Variants in OR52I2 observed in about 807,000 individuals in gnomAD.
OR52I2 encodes olfactory receptor family 52 subfamily I member 2.
For missense variants in OR52I2, 350 were observed against 402.4 expected, an observed-to-expected ratio of 0.87 and a Z score of 1.11; for synonymous variants, 147 against 151.9, an observed-to-expected ratio of 0.97 and a Z score of 0.24.
chr11:4,588,835 T>G (rs1846329688), exon 2 of OR52I2: 1 of 152,242 alleles, frequency 6.6e-6, no homozygotes, highest in Non-Finnish European at 1.5e-5. Flanking sequence ...GCTTTGTGAC[T>G]TTTATGAGCC....
At chr11:4,592,768 G>C (rs1028543495) in exon 2 of OR52I2, 1 of 152,180 alleles carries the variant, frequency 6.6e-6, no homozygotes, top group Non-Finnish European at 1.5e-5. Context: ...ACACCTGAAT[G>C]AGGCAATGGA....
exon 2 of OR52I2, chr11:4,587,010 C>G: frequency 6.2e-7 from 1 of 1,614,170 alleles, no homozygotes; most frequent in South Asian, 1.1e-5. Flanking sequence ...CCATGTACAT[C>G]ATAGCCCTGT....
chr11:4,589,801 G>A (rs1472559920), exon 2 of OR52I2: 1 of 152,154 alleles, frequency 6.6e-6, no homozygotes, highest in African/African-American at 2.4e-5. Context: ...ATCATAAACA[G>A]AAAGGCTTGA....
At chr11:4,586,275 T>A (rs1032478092) in intron 1 of OR52I2, among the ~76,000 whole-genome samples, 7 of 152,144 alleles carry the variant, frequency 4.6e-5, no homozygotes, top group African/African-American at 1.7e-4. Flanking sequence ...TATTTTTTTA[T>A]AGGCACTGTA....
exon 2 of OR52I2, chr11:4,591,138 C>G (rs941145697): frequency 3.9e-5 from 6 of 152,090 alleles, no homozygotes; most frequent in Admixed American, 1.3e-4. Context: ...GAGAACCTGA[C>G]GAATGCTCAC....
At chr11:4,582,346 A>T (rs1846263270) in intron 1 of OR52I2, among the ~76,000 whole-genome samples, 2 of 152,116 alleles carry the variant, frequency 1.3e-5, no homozygotes, top group African/African-American at 4.8e-5. Flanking sequence ...TTTTAATAGA[A>T]ATGAAAAATC....
chr11:4,589,008 T>G (rs1310419106), exon 2 of OR52I2: 1 of 152,220 alleles, frequency 6.6e-6, no homozygotes, highest in Non-Finnish European at 1.5e-5. Flanking sequence ...GTTTGTTTGT[T>G]TTCCTTTCAG....
chr11:4,587,024 G>A lies in OR52I2; in HGVS notation c.134G>A (p.Gly45Glu). Reference sequence around the variant, plus strand: ...GCCATGTACATCATAGCCCTGTTAGGAAACACCATCATCGTGACTGCAATC... The same window carrying A: ...GCCATGTACATCATAGCCCTGTTAGAAAACACCATCATCGTGACTGCAATC... The change falls in exon 2 of 2, where the codon GGA becomes GAA. Residue 45 changes from glycine to glutamate, a missense_variant. Physicochemically the swap from Gly to Glu is moderately conservative, Grantham distance 98. Coordinates refer to ENST00000641896, the Ensembl canonical transcript of OR52I2. 3.7e-6 allele frequency: 6 copies of A among 1,614,066 alleles called. No individual in the cohort carries two copies. The highest frequency in any genetic ancestry group is 5.1e-6 in the Non-Finnish European group (6 of 1,179,998).
chr11:4,593,048 T>C (rs1368611817), exon 2 of OR52I2: 2 of 152,272 alleles, frequency 1.3e-5, no homozygotes, highest in Non-Finnish European at 2.9e-5. Context: ...GGAATGGATG[T>C]TTGTCTTATA....
At chr11:4,588,194 TAA>T in exon 2 of OR52I2, 62 of 287,142 alleles carry the variant, frequency 2.2e-4, no homozygotes, top group Middle Eastern at 1.1e-3. Flanking sequence ...CACCAACTCT[TAA>T]AATGAAAGAC....
At chr11:4,587,949 C>T in exon 2 of OR52I2, 1 of 1,110,746 alleles carries the variant, frequency 9.0e-7, no homozygotes, top group Non-Finnish European at 1.3e-6. Context: ...TACAGGAATT[C>T]TAAGATGAAG....
exon 2 of OR52I2, chr11:4,593,094 TAC>T (rs1242177060): frequency 1.3e-5 from 2 of 152,262 alleles, no homozygotes; most frequent in African/African-American, 4.8e-5. Context: ...TTATGAATAC[TAC>T]ACTTTTAACA....
At chr11:4,587,983 C>A in exon 2 of OR52I2, 1 of 816,152 alleles carries the variant, frequency 1.2e-6, no homozygotes, top group Non-Finnish European at 2.0e-6. Flanking sequence ...CCTTGCATAA[C>A]TTTTCAATTA....
chr11:4,581,931 C>T (rs1048339952), intron 1 of OR52I2, 67 bp downstream of exon 1: 1 of 152,256 alleles, frequency 6.6e-6, no homozygotes, highest in African/African-American at 2.4e-5. Context: ...GATGACCTGA[C>T]ATCAAGGCTG....
exon 2 of OR52I2, chr11:4,587,900 G>C: frequency 6.4e-7 from 1 of 1,552,674 alleles, no homozygotes. Context: ...CAATTTCAAA[G>C]ATGCCTTAGA....
intron 1 of OR52I2, among the ~76,000 whole-genome samples, chr11:4,585,160 T>C (rs1846289715): frequency 6.6e-6 from 1 of 152,166 alleles, no homozygotes; most frequent in South Asian, 2.1e-4. Flanking sequence ...AGTCTATGGG[T>C]ATGAATCTAG....
chr11:4,581,987 G>C (rs1034611248), intron 1 of OR52I2, 123 bp downstream of exon 1: 2 of 152,248 alleles, frequency 1.3e-5, no homozygotes, highest in African/African-American at 4.8e-5. Flanking sequence ...CTCCCATATA[G>C]GGCTGTCTAG....
intron 1 of OR52I2, among the ~76,000 whole-genome samples, chr11:4,585,315 G>A (rs1423664764): frequency 1.3e-5 from 2 of 152,146 alleles, no homozygotes; most frequent in African/African-American, 2.4e-5. Flanking sequence ...AAGAAGATCA[G>A]CCAATGTCTC....
At chr11:4,587,581 G>T (rs527607913) in exon 2 of OR52I2, 1 of 1,614,016 alleles carries the variant, frequency 6.2e-7, no homozygotes, top group South Asian at 1.1e-5. Flanking sequence ...GGCAGTATTT[G>T]GTCTCTCCTC....
Sources: gnomAD v4.1 joint callset for allele counts (sites outside exome capture counted in the v4.1 genomes callset) on GRCh38, gnomAD v4.1.1 for gene constraint, MANE v1.5 for transcripts, NCBI Gene and HGNC (gene_info 2026-07-23, HGNC 2026-07-21) for gene names.